The following NXPH1 variants were observed in gnomAD, a reference collection of about 807,000 sequenced individuals.
The protein encoded by NXPH1 is neurexophilin-1.
In NXPH1, 5 loss-of-function variants were observed where a neutral mutation model predicts 23.7. The observed-to-expected ratio is 0.21, with a 90% CI of 0.11 to 0.44. The LOEUF (loss-of-function observed/expected upper bound fraction) is 0.44. NXPH1 is among the 20% of genes least tolerant of loss of function. NXPH1 has a pLI of 0.99. For synonymous variants in NXPH1, 144 were observed against 122.2 expected, an observed-to-expected ratio of 1.18 and a Z score of -1.18; for missense variants, 324 against 321.6, an observed-to-expected ratio of 1.01 and a Z score of -0.06.
chr7:8,589,891 CT>C lies in NXPH1; in HGVS notation c.54+154127del, dbSNP rs1386796009. 9.2e-5 allele frequency among the ~76,000 whole-genome samples: 14 copies of C among 152,180 alleles called. 1 individual carries two copies. Among genetic ancestry groups the C allele is most frequent in the African/African-American group, 3.4e-4 (14 of 41,540 alleles). On this transcript the variant is annotated intron_variant, in intron 2 of 2. Coordinates refer to ENST00000405863, the MANE Select transcript of NXPH1 (RefSeq NM_152745.3). Reference sequence around the variant, plus strand: ...AGATAGCCACTAGCCACAGGTGACTCTTTAACTTTATTAAAATAAAATGAAA... The same window carrying C: ...AGATAGCCACTAGCCACAGGTGACTCTTAACTTTATTAAAATAAAATGAAA...
intron 2 of NXPH1, among the ~76,000 whole-genome samples, chr7:8,456,304 T>A (rs933267264): frequency 1.3e-5 from 2 of 152,346 alleles, no homozygotes; most frequent in African/African-American, 4.8e-5. Context: ...CTGATTACCT[T>A]GTTGATCACT....
At chr7:8,669,548 G>T (rs1199036142) in intron 2 of NXPH1, among the ~76,000 whole-genome samples, 2 of 152,122 alleles carry the variant, frequency 1.3e-5, no homozygotes, top group Admixed American at 1.3e-4. Flanking sequence ...GGGAGCATGT[G>T]GGCTTGCCCA....
chr7:8,747,055 T>C (rs140904118), intron 2 of NXPH1, among the ~76,000 whole-genome samples: 2 of 152,184 alleles, frequency 1.3e-5, no homozygotes, highest in South Asian at 4.1e-4. Flanking sequence ...TTCCAGGTAC[T>C]GTCCTTAGTA....
intron 2 of NXPH1, among the ~76,000 whole-genome samples, chr7:8,454,206 C>T (rs1157759806): frequency 1.3e-5 from 2 of 152,014 alleles, no homozygotes; most frequent in Non-Finnish European, 2.9e-5. Flanking sequence ...ATGTAACAAA[C>T]CTGCACTTGT....
intron 2 of NXPH1, among the ~76,000 whole-genome samples, chr7:8,550,476 G>C (rs1245218074): frequency 1.3e-4 from 20 of 151,412 alleles, no homozygotes; most frequent in Admixed American, 1.3e-3. Flanking sequence ...TTTTTCAGAG[G>C]CAAAGACACA....
chr7:8,746,025 T>C (rs1780464647), intron 2 of NXPH1, among the ~76,000 whole-genome samples: 1 of 152,186 alleles, frequency 6.6e-6, no homozygotes, highest in African/African-American at 2.4e-5. Flanking sequence ...ATAGTGCTGG[T>C]TGCATCACAC....
At chr7:8,593,503 C>T (rs1045045266) in intron 2 of NXPH1, among the ~76,000 whole-genome samples, 3 of 152,014 alleles carry the variant, frequency 2.0e-5, no homozygotes, top group Admixed American at 1.3e-4. Context: ...GAATAAATTG[C>T]CCCCTAGTCT....
intron 2 of NXPH1, among the ~76,000 whole-genome samples, chr7:8,514,458 C>G (rs562800884): frequency 1.3e-5 from 2 of 152,242 alleles, no homozygotes; most frequent in South Asian, 4.1e-4. Flanking sequence ...AGTGTTTCTA[C>G]TACTATGGAC....
intron 2 of NXPH1, among the ~76,000 whole-genome samples, chr7:8,484,091 A>G (rs1405980263): frequency 6.6e-6 from 1 of 151,784 alleles, no homozygotes; most frequent in Non-Finnish European, 1.5e-5. Flanking sequence ...CAACAAACCA[A>G]CAAACAAATT....
At chr7:8,646,325 A>G (rs1820399557) in intron 2 of NXPH1, among the ~76,000 whole-genome samples, 1 of 152,132 alleles carries the variant, frequency 6.6e-6, no homozygotes, top group Admixed American at 6.5e-5. Flanking sequence ...TTGTACGTTT[A>G]TCTCATATCC....
At chr7:8,499,318 T>G (rs952970896) in intron 2 of NXPH1, among the ~76,000 whole-genome samples, 2 of 152,060 alleles carry the variant, frequency 1.3e-5, no homozygotes, top group Non-Finnish European at 2.9e-5. Flanking sequence ...CTGTGACAGC[T>G]GTACACAGCC....
chr7:8,537,036 G>T (rs1269715955), intron 2 of NXPH1, among the ~76,000 whole-genome samples: 15 of 151,898 alleles, frequency 9.9e-5, no homozygotes. Context: ...ACAAATTACT[G>T]CATTTATTAT....
intron 2 of NXPH1, among the ~76,000 whole-genome samples, chr7:8,731,206 A>T (rs1423031440): frequency 1.3e-5 from 2 of 152,066 alleles, no homozygotes; most frequent in African/African-American, 2.4e-5. Flanking sequence ...TCCTTTAAGC[A>T]CTTCTCTGTA....
chr7:8,632,217 T>C (rs1820146584), intron 2 of NXPH1, among the ~76,000 whole-genome samples: 1 of 152,188 alleles, frequency 6.6e-6, no homozygotes, highest in Non-Finnish European at 1.5e-5. Context: ...TTAAAATAAA[T>C]ATATTGAATT....
intron 2 of NXPH1, among the ~76,000 whole-genome samples, chr7:8,462,539 T>C (rs976064900): frequency 2.0e-5 from 3 of 152,194 alleles, no homozygotes; most frequent in South Asian, 2.1e-4. Flanking sequence ...CAGCTAATGA[T>C]GACAGAACTG....
intron 2 of NXPH1, among the ~76,000 whole-genome samples, chr7:8,548,441 A>G (rs543081884): frequency 1.0e-3 from 157 of 151,696 alleles, no homozygotes; most frequent in African/African-American, 3.5e-3. Context: ...TATTTCTTCC[A>G]GATATCAAAA....
intron 2 of NXPH1, among the ~76,000 whole-genome samples, chr7:8,521,729 A>G (rs1197822831): frequency 1.3e-5 from 2 of 152,216 alleles, no homozygotes; most frequent in African/African-American, 2.4e-5. Context: ...ATGTTAAATC[A>G]TAAGAATTAA....
chr7:8,697,747 G>A (rs1286248681), intron 2 of NXPH1, among the ~76,000 whole-genome samples: 1 of 152,184 alleles, frequency 6.6e-6, no homozygotes, highest in Non-Finnish European at 1.5e-5. Flanking sequence ...GGATACAGAA[G>A]CCAGAGAAAG....
At chr7:8,462,325 G>A (rs1245655001) in intron 2 of NXPH1, among the ~76,000 whole-genome samples, 1 of 152,162 alleles carries the variant, frequency 6.6e-6, no homozygotes, top group African/African-American at 2.4e-5. Flanking sequence ...GTCATTACAG[G>A]CGTGAACCAC....
Sources: gnomAD v4.1 joint callset for allele counts (sites outside exome capture counted in the v4.1 genomes callset) on GRCh38, gnomAD v4.1.1 for gene constraint, MANE v1.5 for transcripts, NCBI Gene and HGNC (gene_info 2026-07-23, HGNC 2026-07-21) for gene names.